RANBP2: variants seen among roughly 807,000 people sequenced by gnomAD.
RANBP2 encodes the protein E3 SUMO-protein ligase RanBP2.
RANBP2 carries 57 observed loss-of-function variants against 303.6 expected under a neutral mutation model. The observed-to-expected ratio is 0.19, with a 90% CI of 0.15 to 0.23. RANBP2 has a LOEUF of 0.23. Among genes scored for constraint, RANBP2 ranks in the 10% least tolerant of loss-of-function variants. RANBP2 has a pLI of 1.00. For missense variants in RANBP2, 3,138 were observed against 3,780.8 expected, an observed-to-expected ratio of 0.83 and a Z score of 4.46; for synonymous variants, 1,167 against 1,301.5, an observed-to-expected ratio of 0.90 and a Z score of 2.23.
intron 12 of RANBP2, among the ~76,000 whole-genome samples, chr2:108,752,758 A>C (rs1573773206): frequency 6.6e-6 from 1 of 151,576 alleles, no homozygotes; most frequent in Admixed American, 6.6e-5. Context: ...ACGCCACTGC[A>C]CTCCAGCCTG....
At chr2:109,270,503 G>T in the RANBP2 span, among the ~76,000 whole-genome samples, 2 of 152,190 alleles carry the variant, frequency 1.3e-5, no homozygotes, top group Non-Finnish European at 2.9e-5. Context: ...ACTTAATGTG[G>T]ACAGGAGGGT....
At chr2:109,469,572 G>A in the RANBP2 span, among the ~76,000 whole-genome samples, 12 of 152,062 alleles carry the variant, frequency 7.9e-5, no homozygotes, top group African/African-American at 2.9e-4. Context: ...TGTCCTCTGT[G>A]TGTGACTTCT....
chr2:109,629,647 C>T, the RANBP2 span, among the ~76,000 whole-genome samples: 2 of 151,582 alleles, frequency 1.3e-5, no homozygotes, highest in African/African-American at 4.9e-5. Context: ...CCCGTCTCTA[C>T]TAAAAATACA....
intron 1 of RANBP2, among the ~76,000 whole-genome samples, chr2:108,728,619 GA>G (rs1694927794): frequency 1.3e-5 from 2 of 151,356 alleles, no homozygotes; most frequent in East Asian, 2.0e-4. Context: ...TGATGATGAT[GA>G]TGATGATGAT....
the RANBP2 span, among the ~76,000 whole-genome samples, chr2:109,253,772 T>C: frequency 6.6e-6 from 1 of 152,216 alleles, no homozygotes; most frequent in Non-Finnish European, 1.5e-5. Flanking sequence ...CTCTTTGATT[T>C]AGATGCAAAG....
intron 25 of RANBP2, among the ~76,000 whole-genome samples, chr2:108,779,218 G>A (rs368384791): frequency 1.5e-4 from 23 of 152,258 alleles, no homozygotes; most frequent in African/African-American, 5.1e-4. Context: ...CTGGAGTGCA[G>A]TGGCGCAGAT....
the RANBP2 span, among the ~76,000 whole-genome samples, chr2:109,369,839 A>C: frequency 6.6e-6 from 1 of 152,052 alleles, no homozygotes; most frequent in Non-Finnish European, 1.5e-5. Flanking sequence ...CTTAGACCCC[A>C]CCAGCCTAAA....
the RANBP2 span, chr2:109,565,782 G>A: frequency 4.3e-6 from 7 of 1,613,698 alleles, no homozygotes; most frequent in African/African-American, 2.7e-5. Context: ...CACCCCAAGG[G>A]TACTGGCGAG....
the RANBP2 span, among the ~76,000 whole-genome samples, chr2:108,843,943 T>TTAAC: frequency 1.3e-4 from 19 of 141,550 alleles, no homozygotes; most frequent in African/African-American, 4.6e-4. Context: ...CAGGCTGGAG[T>TTAAC]TCAGTGGCAC....
chr2:109,330,821 G>A, the RANBP2 span, among the ~76,000 whole-genome samples: 3 of 152,170 alleles, frequency 2.0e-5, no homozygotes, highest in African/African-American at 7.2e-5. Context: ...AGAGGTGTGT[G>A]TCTTCTCCCC....
At chr2:108,905,301 G>A in the RANBP2 span, among the ~76,000 whole-genome samples, 2 of 152,160 alleles carry the variant, frequency 1.3e-5, no homozygotes, top group Admixed American at 6.5e-5. Context: ...TGGATGGAAG[G>A]TGAGTCCTAG....
chr2:109,288,750 T>C, the RANBP2 span, among the ~76,000 whole-genome samples: 1 of 152,150 alleles, frequency 6.6e-6, no homozygotes, highest in Non-Finnish European at 1.5e-5. Context: ...GTTGTCATGA[T>C]GGAAGACACA....
intron 4 of RANBP2, among the ~76,000 whole-genome samples, chr2:108,733,734 A>T (rs1472987679): frequency 6.6e-6 from 1 of 152,184 alleles, no homozygotes; most frequent in African/African-American, 2.4e-5. Flanking sequence ...TAAAGAACAT[A>T]TGTAATGATA....
chr2:109,684,900 G>A, the RANBP2 span, among the ~76,000 whole-genome samples: 1 of 150,762 alleles, frequency 6.6e-6, no homozygotes, highest in Non-Finnish European at 1.5e-5. Context: ...TGAGATGGGA[G>A]TCTCGCTCTG....
chr2:109,679,533 C>T, the RANBP2 span, among the ~76,000 whole-genome samples: 1 of 152,200 alleles, frequency 6.6e-6, no homozygotes, highest in Non-Finnish European at 1.5e-5. Context: ...AATGCATTTA[C>T]ACCCACCGGC....
the RANBP2 span, among the ~76,000 whole-genome samples, chr2:109,474,134 C>T: frequency 1.2e-3 from 181 of 152,254 alleles, no homozygotes; most frequent in African/African-American, 3.7e-3. Context: ...GTTCAGAAGA[C>T]GCAGGTGGCC....
chr2:109,379,696 A>G, the RANBP2 span, among the ~76,000 whole-genome samples: 22 of 152,280 alleles, frequency 1.4e-4, no homozygotes, highest in Admixed American at 1.2e-3. Context: ...CCCCAGCCTT[A>G]GTGTGGATGC....
chr2:108,800,608 C>CCTT, the RANBP2 span, among the ~76,000 whole-genome samples: 1 of 33,492 alleles, frequency 3.0e-5, no homozygotes, highest in East Asian at 1.2e-3. Flanking sequence ...CTCAGTTTAG[C>CCTT]TTTTTTTTTT....
chr2:109,430,573 G>A, the RANBP2 span, among the ~76,000 whole-genome samples: 2 of 150,288 alleles, frequency 1.3e-5, no homozygotes, highest in South Asian at 2.1e-4. Context: ...ACCTCTCCCC[G>A]TTCTCCTCTC....
Sources: allele counts gnomAD v4.1 joint callset (sites outside exome capture counted in the v4.1 genomes callset), GRCh38; gene constraint gnomAD v4.1.1; transcripts MANE v1.5; gene names NCBI Gene and HGNC (gene_info 2026-07-23, HGNC 2026-07-21).